PPP1R13B: variants seen among roughly 807,000 people sequenced by gnomAD.
The protein encoded by PPP1R13B is protein phosphatase 1 regulatory subunit 13B, also known as apoptosis-stimulating of p53 protein 1.
Under a neutral mutation model 119.8 loss-of-function variants are expected in PPP1R13B, and 44 were observed. The ratio of observed to expected loss-of-function variants is 0.37; its 90% CI spans 0.29 to 0.47. The LOEUF is 0.47. PPP1R13B is among the 20% of genes least tolerant of loss of function. PPP1R13B has a pLI of 0.99. For synonymous variants in PPP1R13B, 542 were observed against 561.5 expected, an observed-to-expected ratio of 0.97 and a Z score of 0.49; for missense variants, 1,227 against 1,413.5, an observed-to-expected ratio of 0.87 and a Z score of 2.12.
chr14:103,824,046 T>C (rs2086477632), intron 1 of PPP1R13B, among the ~76,000 whole-genome samples: 1 of 139,768 alleles, frequency 7.2e-6, no homozygotes, highest in South Asian at 2.4e-4. Flanking sequence ...ATCCTTTTTT[T>C]TTTTTTTTTT....
chr14:103,752,195 T>C (rs565358900), intron 7 of PPP1R13B, among the ~76,000 whole-genome samples: 13 of 152,328 alleles, frequency 8.5e-5, no homozygotes, highest in African/African-American at 2.6e-4. Flanking sequence ...GAGCATGTAT[T>C]TCCTTTGCAT....
chr14:103,738,491 C>A lies in PPP1R13B; in HGVS notation c.2864+188G>T. Reference sequence around the variant, plus strand: ...ACCACAGCCACGTTTTTAACAAAATCATCAAGAGAAAAGGCTGGAAAAAAA... The same window carrying A: ...ACCACAGCCACGTTTTTAACAAAATAATCAAGAGAAAAGGCTGGAAAAAAA... On this transcript the variant is annotated intron_variant, in intron 14 of 16. Coordinates refer to ENST00000202556, the MANE Select transcript of PPP1R13B (RefSeq NM_015316.3). This position sits in a 1 kb window ranked among gnomAD's most constrained non-coding sequence, Gnocchi z 5.6. The A allele has an allele frequency of 1.1e-6, 1 of 873,518 alleles. No individual in the cohort carries two copies. Among genetic ancestry groups the A allele is most frequent in the South Asian group, 1.8e-5 (1 of 54,828 alleles). 54.1% of individuals were successfully genotyped at this position (873,518 alleles called of 1,614,324 possible).
At chr14:103,768,183 C>T (rs1417895868) in intron 4 of PPP1R13B, among the ~76,000 whole-genome samples, 1 of 149,824 alleles carries the variant, frequency 6.7e-6, no homozygotes, top group Non-Finnish European at 1.5e-5. Context: ...GGCACAATCT[C>T]GGTTCACTGC....
chr14:103,792,881 C>T (rs2085657477), intron 2 of PPP1R13B, among the ~76,000 whole-genome samples: 1 of 151,834 alleles, frequency 6.6e-6, no homozygotes, highest in Non-Finnish European at 1.5e-5. Context: ...CCAGCCTGGC[C>T]AATATGGTGA....
chr14:103,760,312 C>T (rs1887415926), intron 4 of PPP1R13B, among the ~76,000 whole-genome samples: 1 of 152,156 alleles, frequency 6.6e-6, no homozygotes, highest in Admixed American at 6.5e-5. Context: ...ATTTTTTATA[C>T]AAACTCAATT....
chr14:103,783,654 C>T (rs1595766453), intron 3 of PPP1R13B, among the ~76,000 whole-genome samples: 1 of 151,782 alleles, frequency 6.6e-6, no homozygotes, highest in African/African-American at 2.4e-5. Flanking sequence ...TGGGCTCAAT[C>T]GATCCTCCCA....
Position 103,733,318 on chromosome 14 carries a change from A to G in PPP1R13B, c.*1836T>C. On this transcript the variant is annotated 3_prime_UTR_variant, in exon 17 of 17. Transcript: ENST00000202556. ...TTTTAGCATAATATATACCATTTTT[A>G]TGAGTTCGCAGGTCTACTAGAAGGT... is the stretch of plus-strand genomic sequence containing the variant. 6.1e-6 allele frequency: 2 copies of G among 330,178 alleles called. No individual in the cohort carries two copies. Among genetic ancestry groups the G allele is most frequent in the Non-Finnish European group, 1.1e-5 (2 of 176,960 alleles). The allele number at this position is 330,178 out of a possible 1,614,324, so 20.5% of individuals were successfully genotyped here.
intron 4 of PPP1R13B, among the ~76,000 whole-genome samples, chr14:103,774,050 G>C (rs2085126772): frequency 6.6e-6 from 1 of 152,190 alleles, no homozygotes; most frequent in South Asian, 2.1e-4. Flanking sequence ...AGAGAGAATA[G>C]TCTTTTCACC....
At chr14:103,806,999 T>C (rs186160426) in intron 1 of PPP1R13B, among the ~76,000 whole-genome samples, 71 of 152,286 alleles carry the variant, frequency 4.7e-4, no homozygotes, top group Non-Finnish European at 8.1e-4. Flanking sequence ...GAGAATAAAT[T>C]TCAAAGTCCT....
intron 1 of PPP1R13B, among the ~76,000 whole-genome samples, chr14:103,826,782 G>A (rs1595830261): frequency 6.6e-6 from 1 of 151,750 alleles, no homozygotes; most frequent in Admixed American, 6.6e-5. Flanking sequence ...GCCAAGGCGG[G>A]CAGATCACAA....
At chr14:103,845,609 C>G in intron 1 of PPP1R13B, among the ~76,000 whole-genome samples, 1 of 152,122 alleles carries the variant, frequency 6.6e-6, no homozygotes, top group Non-Finnish European at 1.5e-5. Flanking sequence ...GGTAAGATGT[C>G]TGAATGAATC....
chr14:103,802,091 C>T (rs1028643637), intron 1 of PPP1R13B, among the ~76,000 whole-genome samples: 1 of 152,164 alleles, frequency 6.6e-6, no homozygotes, highest in African/African-American at 2.4e-5. Context: ...TCATCAGAAA[C>T]AACTGGAATA....
chr14:103,780,739 G>A (rs111314137), intron 3 of PPP1R13B, among the ~76,000 whole-genome samples: 2,360 of 151,442 alleles, frequency 0.016, 66 homozygotes, highest in African/African-American at 0.054. Context: ...GCTTGAACCC[G>A]GGAGGCGAAG....
intron 1 of PPP1R13B, among the ~76,000 whole-genome samples, chr14:103,826,780 G>A (rs375376052): frequency 5.3e-5 from 8 of 151,574 alleles, no homozygotes; most frequent in East Asian, 1.9e-4. Context: ...AGGCCAAGGC[G>A]GGCAGATCAC....
chr14:103,847,064 C>T (rs1447240682), intron 1 of PPP1R13B: 14 of 1,014,532 alleles, frequency 1.4e-5, no homozygotes, highest in Non-Finnish European at 1.7e-5. Flanking sequence ...CCCGCGGCCG[C>T]GGAGGCCGAG....
intron 2 of PPP1R13B, among the ~76,000 whole-genome samples, chr14:103,787,082 G>C (rs2085483979): frequency 6.6e-6 from 1 of 151,726 alleles, no homozygotes; most frequent in African/African-American, 2.4e-5. Flanking sequence ...TTGAATTCCT[G>C]AACTCAAGTG....
chr14:103,787,579 A>G (rs1363181628), intron 2 of PPP1R13B, among the ~76,000 whole-genome samples: 3 of 149,040 alleles, frequency 2.0e-5, no homozygotes, highest in Non-Finnish European at 4.4e-5. Context: ...GCACTTTGGG[A>G]GGCAAGAGTA....
At position 103,746,291 on chromosome 14, in the gene PPP1R13B, T is replaced by TGGGGGGGGGGGGGGG; in HGVS notation, c.1150+81_1150+82insCCCCCCCCCCCCCCC. ...TGTGTGGGGCAGAGCCTCAGGAGCC[T>TGGGGGGGGGGGGGGG]GCCCCACCCCCCGCCCCTCCACCGC... On this transcript the variant is annotated intron_variant, in intron 9 of 16. Transcript: ENST00000202556. 7.4e-5 allele frequency: 20 copies of TGGGGGGGGGGGGGGG among 272,098 alleles called. 3 individuals are homozygous for TGGGGGGGGGGGGGGG. Among genetic ancestry groups the TGGGGGGGGGGGGGGG allele is most frequent in the Non-Finnish European group, 1.3e-4 (18 of 133,690 alleles). 16.9% of individuals were successfully genotyped at this position (272,098 alleles called of 1,614,324 possible). A position where few individuals can be genotyped will look rare whatever the true frequency, so the allele number is the denominator to read the frequency against.
At position 103,757,757 on chromosome 14, in the gene PPP1R13B, C is replaced by T. The variant is rs2084712764; in HGVS notation, c.355-6G>A. ...TCAACACGTGGATTCCCAACCTAAA[C>T]AAAAAGCACTTATTTTGGAACATAA... On this transcript the variant is annotated splice_polypyrimidine_tract_variant and splice_region_variant and intron_variant, in intron 4 of 16. Transcript: ENST00000202556. 1.2e-6 allele frequency: 2 copies of T among 1,608,622 alleles called. No individual in the cohort carries two copies. The highest frequency in any genetic ancestry group is 1.7e-6 in the Non-Finnish European group (2 of 1,176,668).
Sources: allele counts gnomAD v4.1 joint callset (sites outside exome capture counted in the v4.1 genomes callset), GRCh38; gene constraint gnomAD v4.1.1; non-coding constraint Gnocchi (gnomAD v3.1); transcripts MANE v1.5; gene names NCBI Gene and HGNC (gene_info 2026-07-23, HGNC 2026-07-21).